Variants in SYNPR observed in about 807,000 individuals in gnomAD.
SYNPR encodes synaptoporin.
Under a neutral mutation model 32.9 loss-of-function variants are expected in SYNPR, and 23 were observed. That is an observed-to-expected ratio of 0.70 (90% CI 0.50 to 0.99). The LOEUF is 0.99. Among genes scored for constraint, SYNPR ranks in the 50% least tolerant of loss-of-function variants. The pLI is 0.00. For missense variants in SYNPR, 318 were observed against 349.3 expected, an observed-to-expected ratio of 0.91 and a Z score of 0.71; for synonymous variants, 146 against 135.9, an observed-to-expected ratio of 1.07 and a Z score of -0.52.
intron 2 of SYNPR, among the ~76,000 whole-genome samples, chr3:63,428,001 A>C (rs570950153): frequency 6.6e-6 from 1 of 152,192 alleles, no homozygotes; most frequent in Non-Finnish European, 1.5e-5. Context: ...AGTTTTTTTT[A>C]AAATGTATTT....
At chr3:63,234,808 A>G (rs2086189789) in intron 1 of SYNPR, among the ~76,000 whole-genome samples, 1 of 152,168 alleles carries the variant, frequency 6.6e-6, no homozygotes. Context: ...GCTGTTTTGT[A>G]TTTGTTAACA....
At chr3:63,486,227 T>C (rs1244034430) in intron 3 of SYNPR, among the ~76,000 whole-genome samples, 1 of 152,138 alleles carries the variant, frequency 6.6e-6, no homozygotes, top group Non-Finnish European at 1.5e-5. Context: ...CTATGACTGT[T>C]AAAGGGCTTT....
At chr3:63,372,060 A>G (rs1040428857) in intron 2 of SYNPR, among the ~76,000 whole-genome samples, 1 of 152,138 alleles carries the variant, frequency 6.6e-6, no homozygotes, top group Admixed American at 6.5e-5. Context: ...ATGGCTGAGT[A>G]TATCCACAGG....
intron 2 of SYNPR, among the ~76,000 whole-genome samples, chr3:63,286,248 G>A (rs1159707768): frequency 2.0e-5 from 3 of 152,192 alleles, no homozygotes; most frequent in Non-Finnish European, 2.9e-5. Context: ...AAACGAGAAC[G>A]TCTAATGGAA....
intron 2 of SYNPR, among the ~76,000 whole-genome samples, chr3:63,403,363 T>A (rs1299718864): frequency 6.6e-6 from 1 of 151,878 alleles, no homozygotes; most frequent in Non-Finnish European, 1.5e-5. Context: ...ACTGTGTTAC[T>A]GCTTTTATAT....
intron 2 of SYNPR, among the ~76,000 whole-genome samples, chr3:63,410,040 A>G (rs949143221): frequency 6.6e-6 from 1 of 151,896 alleles, no homozygotes; most frequent in Admixed American, 6.6e-5. Flanking sequence ...CAAGAACAAA[A>G]AAAACACTTT....
chr3:63,412,166 A>C (rs916616951), intron 2 of SYNPR, among the ~76,000 whole-genome samples: 1 of 152,136 alleles, frequency 6.6e-6, no homozygotes, highest in East Asian at 1.9e-4. Context: ...TACAAGGACC[A>C]CTGGAAGAGT....
chr3:63,512,832 G>A (rs913005713), intron 3 of SYNPR, among the ~76,000 whole-genome samples: 1 of 152,106 alleles, frequency 6.6e-6, no homozygotes, highest in African/African-American at 2.4e-5. Context: ...CACTAAGTTT[G>A]TGCTAATTTG....
chr3:63,573,502 T>G (rs1043145072), intron 4 of SYNPR, among the ~76,000 whole-genome samples: 1 of 152,158 alleles, frequency 6.6e-6, no homozygotes, highest in African/African-American at 2.4e-5. Context: ...TTCTTGAAGC[T>G]TTAAGGATAT....
intron 3 of SYNPR, among the ~76,000 whole-genome samples, chr3:63,536,555 C>T (rs1197124530): frequency 2.0e-5 from 3 of 152,134 alleles, no homozygotes; most frequent in Non-Finnish European, 4.4e-5. Flanking sequence ...TTGGCAGTTC[C>T]TCCAAATGTT....
At chr3:63,424,573 T>C (rs1231847601) in intron 2 of SYNPR, among the ~76,000 whole-genome samples, 1 of 152,252 alleles carries the variant, frequency 6.6e-6, no homozygotes, top group Non-Finnish European at 1.5e-5. Context: ...TGTATTATTA[T>C]ATATATCAAA....
chr3:63,579,652 T>C (rs1456530055), intron 4 of SYNPR, among the ~76,000 whole-genome samples: 1 of 152,154 alleles, frequency 6.6e-6, no homozygotes, highest in Non-Finnish European at 1.5e-5. Flanking sequence ...TGATCAATGA[T>C]GTTTATTGAC....
intron 1 of SYNPR, among the ~76,000 whole-genome samples, chr3:63,232,938 T>C (rs189408366): frequency 2.4e-4 from 36 of 152,354 alleles, no homozygotes; most frequent in African/African-American, 8.4e-4. Context: ...GTGATTCTTA[T>C]AAAAGAATTG....
intron 2 of SYNPR, among the ~76,000 whole-genome samples, chr3:63,401,747 C>G (rs564844563): frequency 6.6e-6 from 1 of 152,268 alleles, no homozygotes; most frequent in African/African-American, 2.4e-5. Context: ...ATGGACATCA[C>G]TAGTTGATTG....
intron 3 of SYNPR, among the ~76,000 whole-genome samples, chr3:63,548,093 G>A (rs1400210260): frequency 6.6e-6 from 1 of 152,128 alleles, no homozygotes; most frequent in Non-Finnish European, 1.5e-5. Context: ...CAGATAATCT[G>A]CACTCTCATT....
intron 3 of SYNPR, among the ~76,000 whole-genome samples, chr3:63,516,555 T>G (rs1301213269): frequency 1.3e-5 from 2 of 152,100 alleles, no homozygotes; most frequent in Non-Finnish European, 2.9e-5. Flanking sequence ...TCGTAACCTC[T>G]CAACAACCTT....
intron 4 of SYNPR, among the ~76,000 whole-genome samples, chr3:63,595,174 T>G (rs879131193): frequency 6.6e-6 from 1 of 152,136 alleles, no homozygotes; most frequent in Admixed American, 6.6e-5. Flanking sequence ...ACAAACAGGG[T>G]GGGAAGTTCT....
At chr3:63,588,677 T>A (rs997279037) in intron 4 of SYNPR, among the ~76,000 whole-genome samples, 26 of 152,242 alleles carry the variant, frequency 1.7e-4, no homozygotes, top group African/African-American at 5.3e-4. Flanking sequence ...TTGGAAAGGA[T>A]GCTATTTTCT....
intron 2 of SYNPR, among the ~76,000 whole-genome samples, chr3:63,451,420 A>T (rs1363609365): frequency 6.6e-6 from 1 of 152,188 alleles, no homozygotes; most frequent in East Asian, 1.9e-4. Flanking sequence ...TATAAATTGC[A>T]GGAAGAGAGA....
Sources: gnomAD v4.1 joint callset for allele counts (sites outside exome capture counted in the v4.1 genomes callset) on GRCh38, gnomAD v4.1.1 for gene constraint, MANE v1.5 for transcripts, NCBI Gene and HGNC (gene_info 2026-07-23, HGNC 2026-07-21) for gene names.